The following ZNF169 variants were observed in gnomAD, a reference collection of about 807,000 sequenced individuals.
The protein encoded by ZNF169 is zinc finger protein 169.
Under a neutral mutation model 12.0 loss-of-function variants are expected in ZNF169, and 11 were observed. The observed-to-expected ratio is 0.92, with a 90% CI of 0.58 to 1.52. The LOEUF (loss-of-function observed/expected upper bound fraction) is 1.52, where lower values mean the gene tolerates loss of function less well. Ranked by LOEUF, ZNF169 falls within the 40% of genes most tolerant of loss-of-function variation. The pLI is 0.00. For missense variants in ZNF169, 722 were observed against 744.0 expected (o/e 0.97, Z 0.34); for synonymous variants, 302 against 286.5 (o/e 1.05, Z -0.55).
intron 2 of ZNF169, among the ~76,000 whole-genome samples, chr9:94,284,071 CAAAA>C: frequency 2.0e-5 from 1 of 50,448 alleles, no homozygotes; most frequent in Non-Finnish European, 3.9e-5. Context: ...GACTCTGTCT[CAAAA>C]AAAAAAAAAA....
Position 94,300,440 on chromosome 9 carries a change from A to G in ZNF169, c.882A>G (p.Glu294=), listed in dbSNP as rs1352410973. The change falls in exon 5 of 5, where the codon GAA becomes GAG. Residue 294 remains glutamate (E), a synonymous_variant. Transcript: ENST00000395395. ...GGGAGAAGCCGTATGTGTGCAGGGA[A>G]TGTGGGCGACACTTCAGGTATACAT... is the stretch of plus-strand genomic sequence containing the variant. ...HSGEKPYVCR[E]CGRHFRYTSS... is the part of the protein sequence containing the mutation. 6.2e-7 allele frequency: 1 copy of G among 1,612,614 alleles called. No homozygotes were observed.
At position 94,300,692 on chromosome 9, in the gene ZNF169, G is replaced by A. The variant is rs1456338596; in HGVS notation, c.1134G>A (p.Glu378=). The part of the protein sequence containing the change: ...HTGERPFLCL[E]CGRSFRQQSL... ...GGGAGAGGCCCTTCCTGTGCCTTGA[G>A]TGTGGGCGTAGCTTCAGGCAGCAGT... is the stretch of plus-strand genomic sequence containing the variant. Residue 378 remains glutamate (E), a synonymous_variant, in exon 5 of 5, where the codon GAG becomes GAA. Coordinates refer to ENST00000395395, the MANE Select transcript of ZNF169 (RefSeq NM_194320.4). 1.9e-6 allele frequency: 3 copies of A among 1,613,160 alleles called. No homozygotes were observed. Among genetic ancestry groups the A allele is most frequent in the African/African-American group, 1.3e-5 (1 of 74,796 alleles).
At position 94,293,016 on chromosome 9, in the gene ZNF169, A is replaced by C; in HGVS notation, c.203A>C (p.Gln68Pro). ...SKPKLIEQLE[Q>P]GDEPWREENE... ...CCAAAACTCATCGAACAGCTGGAGC[A>C]AGGCGACGAACCTTGGAGAGAGGAG... The change falls in exon 4 of 5, where the codon CAA (glutamine) becomes CCA (proline). Residue 68 changes from glutamine (Q) to proline (P), a missense_variant. Transcript: ENST00000395395. 1 of 1,613,632 alleles carries C rather than the reference A, an allele frequency of 6.2e-7. No individual in the cohort carries two copies. Among genetic ancestry groups the C allele is most frequent in the Non-Finnish European group, 8.5e-7 (1 of 1,179,814 alleles).
At chr9:94,275,081 T>C (rs1293740241) in intron 1 of ZNF169, among the ~76,000 whole-genome samples, 1 of 151,500 alleles carries the variant, frequency 6.6e-6, no homozygotes, top group East Asian at 1.9e-4. Context: ...CTATGAAAAA[T>C]AAAAAAATAG....
intron 4 of ZNF169, chr9:94,299,318 A>G (rs1831009175): frequency 9.9e-6 from 4 of 403,870 alleles, no homozygotes; most frequent in Admixed American, 4.2e-5. Flanking sequence ...GCTACAGCTT[A>G]TCTGATTCGT....
chr9:94,263,743 A>G (rs1830243941), intron 1 of ZNF169, among the ~76,000 whole-genome samples: 1 of 151,462 alleles, frequency 6.6e-6, no homozygotes, highest in African/African-American at 2.4e-5. Context: ...ATACAATTAG[A>G]TTAGGTCTCT....
chr9:94,293,987 C>T (rs1409292321), intron 4 of ZNF169: 2 of 152,162 alleles, frequency 1.3e-5, no homozygotes, highest in Non-Finnish European at 2.9e-5. Flanking sequence ...CCTTTTATTC[C>T]ATCTGATGGG....
intron 2 of ZNF169, among the ~76,000 whole-genome samples, chr9:94,286,663 T>C (rs780625260): frequency 2.0e-5 from 3 of 152,030 alleles, no homozygotes; most frequent in Non-Finnish European, 4.4e-5. Context: ...ACAAATTGAG[T>C]GGTGAGAATA....
rs748711227 is a variant in ZNF169, at chr9:94,301,354, C to T, written c.1796C>T (p.Pro599Leu). Reference sequence around the variant, plus strand: ...ACCAAGTCTGGTCATCAGCTCCTACCCCAAGAGGTCTTCTGACCTTTCCTT... The same window carrying T: ...ACCAAGTCTGGTCATCAGCTCCTACTCCAAGAGGTCTTCTGACCTTTCCTT... ...RRTKSGHQLL[P>L]QEVF The change falls in exon 5 of 5, where the codon CCC becomes CTC. Residue 599 changes from proline (P) to leucine (L), a missense_variant. Physicochemically the swap from Pro to Leu is moderately conservative, Grantham distance 98. Coordinates refer to ENST00000395395, the MANE Select transcript of ZNF169 (RefSeq NM_194320.4). The T allele has an allele frequency of 6.2e-7, 1 of 1,610,616 alleles. No individual in the cohort carries two copies. The highest frequency in any genetic ancestry group is 8.5e-7 in the Non-Finnish European group (1 of 1,177,596).
Position 94,288,444 on chromosome 9 carries a change from C to T in ZNF169, c.34-3897C>T. On this transcript the variant is annotated intron_variant, in intron 2 of 4. Coordinates refer to ENST00000395395, the MANE Select transcript of ZNF169 (RefSeq NM_194320.4). ...CTGAGCTTGTAAATTCCAATCCATT[C>T]TTCTCTTTTGTTTTCAAATCAAGCT... The T allele has an allele frequency of 4.5e-6, 5 of 1,116,136 alleles. No individual in the cohort carries two copies. The South Asian group carries it at 6.2e-5, about 14-fold the overall frequency. The allele number at this position is 1,116,136 out of a possible 1,614,324, so 69.1% of individuals were successfully genotyped here. A position where few individuals can be genotyped will look rare whatever the true frequency, so the allele number is the denominator to read the frequency against.
chr9:94,296,650 C>G (rs1459774089), intron 4 of ZNF169, among the ~76,000 whole-genome samples: 1 of 152,094 alleles, frequency 6.6e-6, no homozygotes, highest in African/African-American at 2.4e-5. Flanking sequence ...TCCTATGTAT[C>G]TTTGTGGAAG....
intron 2 of ZNF169, among the ~76,000 whole-genome samples, chr9:94,287,165 A>G (rs537293502): frequency 1.4e-4 from 21 of 152,132 alleles, no homozygotes; most frequent in Non-Finnish European, 2.5e-4. Context: ...AAGGGCCACC[A>G]TGTTCCCTCC....
At chr9:94,260,106 T>A (rs1008859416) in intron 1 of ZNF169, among the ~76,000 whole-genome samples, 5 of 151,920 alleles carry the variant, frequency 3.3e-5, no homozygotes, top group African/African-American at 1.2e-4. Flanking sequence ...TGTTTTGTTT[T>A]TTTGAGACAG....
chr9:94,286,235 T>C (rs970544856), intron 2 of ZNF169, among the ~76,000 whole-genome samples: 2 of 152,222 alleles, frequency 1.3e-5, no homozygotes, highest in Non-Finnish European at 2.9e-5. Flanking sequence ...GAGTCATGTG[T>C]GACTGTTGAG....
Position 94,292,282 on chromosome 9 carries a change from T to C in ZNF169, c.34-59T>C. 3.1e-6 allele frequency: 5 copies of C among 1,613,052 alleles called. No individual in the cohort carries two copies. The South Asian group carries it at 5.5e-5, about 18-fold the overall frequency. On this transcript the variant is annotated intron_variant, in intron 2 of 4. Coordinates refer to ENST00000395395, the MANE Select transcript of ZNF169 (RefSeq NM_194320.4). ...TCTGCCTTGACTGTGGTTAGTGGCT[T>C]AAGTTGGTTAGTGGGCATGGCTGGC...
At chr9:94,294,048 C>T (rs917000658) in intron 4 of ZNF169, 2 of 152,232 alleles carry the variant, frequency 1.3e-5, no homozygotes, top group African/African-American at 2.4e-5. Context: ...CTTCTCTGCA[C>T]ATAATGTTAT....
At chr9:94,288,430 A>C (rs544075194) in intron 2 of ZNF169, 1 of 1,204,568 alleles carries the variant, frequency 8.3e-7, no homozygotes, top group African/African-American at 1.5e-5. Flanking sequence ...TGAGCTTGTA[A>C]ATTCCAATCC....
chr9:94,296,962 G>A (rs975826900), intron 4 of ZNF169: 28 of 375,594 alleles, frequency 7.5e-5, no homozygotes, highest in South Asian at 3.8e-4. Context: ...CAGGAGGATC[G>A]CGTGAACTCG....
intron 1 of ZNF169, among the ~76,000 whole-genome samples, chr9:94,275,325 A>G (rs1830500411): frequency 6.6e-6 from 1 of 152,186 alleles, no homozygotes. Flanking sequence ...AAGTTGAACC[A>G]TTGTAAGTTG....
Sources: gnomAD v4.1 joint callset for allele counts (sites outside exome capture counted in the v4.1 genomes callset) on GRCh38, gnomAD v4.1.1 for gene constraint, MANE v1.5 for transcripts, NCBI Gene and HGNC (gene_info 2026-07-23, HGNC 2026-07-21) for gene names.